DSTYK: variants seen among roughly 807,000 people sequenced by gnomAD.
DSTYK encodes RIP-homologous kinase.
DSTYK carries 34 observed loss-of-function variants against 98.7 expected under a neutral mutation model. That is an observed-to-expected ratio of 0.34 (90% confidence interval 0.26 to 0.46). The LOEUF (loss-of-function observed/expected upper bound fraction) is 0.46. Among genes scored for constraint, DSTYK ranks in the 20% least tolerant of loss-of-function variants. DSTYK has a pLI of 1.00. For missense variants in DSTYK, 962 were observed against 1,181.7 expected (o/e 0.81, Z 2.73); for synonymous variants, 462 against 457.3 (o/e 1.01, Z -0.13).
chr1:205,145,525 G>GTTTTTTTTTTTTTTTTTTTTTT lies in DSTYK; in HGVS notation c.*2032_*2033insAAAAAAAAAAAAAAAAAAAAAA, dbSNP rs61220458. The GTTTTTTTTTTTTTTTTTTTTTT allele has an allele frequency of 6.4e-5, 8 of 125,544 alleles. 1 individual carries two copies. Among genetic ancestry groups the GTTTTTTTTTTTTTTTTTTTTTT allele is most frequent in the Non-Finnish European group, 8.4e-5 (5 of 59,288 alleles). The allele number at this position is 125,544 out of a possible 1,614,324, so 7.8% of individuals were successfully genotyped here. On this transcript the variant is annotated 3_prime_UTR_variant, in exon 13 of 13. Coordinates refer to ENST00000367162, the MANE Select transcript of DSTYK (RefSeq NM_015375.3). ...GATGTGCGACTCATCTTTGTTTTTT[G>GTTTTTTTTTTTTTTTTTTTTTT]TTTTTTTTTTTGTTTTTTTTTGAGA...
rs769627475 is a variant in DSTYK, at chr1:205,169,319, G to A, written c.1168C>T (p.Arg390Cys). The change falls in exon 3 of 13, where the codon CGT (arginine) becomes TGT (cysteine). Residue 390 changes from arginine to cysteine, a missense_variant. Arg to Cys is a radical substitution (Grantham distance 180). Around this residue, in one of 4 missense-constraint regions of DSTYK, gnomAD observed 660 missense variants for 855.0 expected, o/e 0.77. Coordinates refer to ENST00000367162, the MANE Select transcript of DSTYK (RefSeq NM_015375.3). This position sits in a 1 kb window ranked among gnomAD's most constrained non-coding sequence, Gnocchi z 4.0. Reference protein sequence around the residue: ...MQRDLQITPKRLEYTRKKENE... With the variant: ...MQRDLQITPKCLEYTRKKENE... ...TCCTTTTTTCGAGTATATTCCAGAC[G>A]TTTGGGAGTGATCTGCAGGTCCCGC... The A allele has an allele frequency of 5.0e-6, 8 of 1,613,988 alleles. No homozygotes were observed. Among genetic ancestry groups the A allele is most frequent in the African/African-American group, 1.3e-5 (1 of 74,896 alleles).
Position 205,169,731 on chromosome 1 carries a change from G to A in DSTYK, c.756C>T (p.Leu252=), listed in dbSNP as rs1460646666. The change falls in exon 3 of 13, where the codon CTC becomes CTT. Residue 252 remains leucine, a synonymous_variant. Transcript: ENST00000367162. This position sits in a 1 kb window ranked among gnomAD's most constrained non-coding sequence, Gnocchi z 4.0. ...NDFLPVITYA[L]HKDELSERDE... is the part of the protein sequence containing the mutation. ...CCCTCTCAGAGAGTTCATCTTTGTG[G>A]AGTGCATAGGTTATCACAGGCAAGA... is the stretch of plus-strand genomic sequence containing the variant. The A allele has an allele frequency of 6.2e-7, 1 of 1,614,204 alleles. No homozygotes were observed. Among genetic ancestry groups the A allele is most frequent in the Non-Finnish European group, 8.5e-7 (1 of 1,180,034 alleles).
chr1:205,172,450 C>A (rs1658093205), intron 2 of DSTYK, among the ~76,000 whole-genome samples: 1 of 147,630 alleles, frequency 6.8e-6, no homozygotes, highest in South Asian at 2.2e-4. Context: ...CAGGTGTGAG[C>A]CACTACGCCC....
At position 205,163,807 on chromosome 1, in the gene DSTYK, G is replaced by A. The variant is rs775721917; in HGVS notation, c.1473C>T (p.Phe491=). 2.2e-5 allele frequency: 36 copies of A among 1,614,124 alleles called. No homozygotes were observed. The highest frequency in any genetic ancestry group is 2.8e-5 in the Non-Finnish European group (33 of 1,180,026). The change falls in exon 4 of 13, where the codon TTC becomes TTT. Residue 491 remains phenylalanine, a synonymous_variant. Transcript: ENST00000367162. ...GCAGACATCGTTCCAGGGTTCCGAC[G>A]AAGCTTTCCCTCAGGTAATCCACTG... ...ISSVDYLRES[F]VGTLERCLQS...
chr1:205,177,550 C>T (rs943071967), intron 2 of DSTYK, among the ~76,000 whole-genome samples: 12 of 152,132 alleles, frequency 7.9e-5, no homozygotes, highest in Non-Finnish European at 1.6e-4. Flanking sequence ...AAATACCTCC[C>T]TATTTTTGTT....
intron 1 of DSTYK, among the ~76,000 whole-genome samples, chr1:205,210,903 A>C (rs1326717209): frequency 6.6e-6 from 1 of 152,130 alleles, no homozygotes. Flanking sequence ...ACAACGGCGC[A>C]CGCGCCCGCC....
intron 7 of DSTYK, 74 bp downstream of exon 7, chr1:205,161,184 C>A: frequency 6.4e-7 from 1 of 1,571,622 alleles, no homozygotes; most frequent in Admixed American, 1.8e-5. Flanking sequence ...CACTAGGATT[C>A]TCTGAGGCTG....
chr1:205,168,217 C>T (rs1011409907), intron 3 of DSTYK, among the ~76,000 whole-genome samples: 10 of 152,176 alleles, frequency 6.6e-5, no homozygotes, highest in Admixed American at 6.5e-5. Flanking sequence ...GCATCAGTAA[C>T]TGGAAACAGA....
chr1:205,208,186 T>C (rs751782785), intron 1 of DSTYK, among the ~76,000 whole-genome samples: 1 of 152,184 alleles, frequency 6.6e-6, no homozygotes, highest in Non-Finnish European at 1.5e-5. Context: ...AGCCTTACTT[T>C]TTAAATTCTA....
chr1:205,190,766 C>T (rs962955949), intron 1 of DSTYK, among the ~76,000 whole-genome samples: 2 of 152,094 alleles, frequency 1.3e-5, no homozygotes, highest in Admixed American at 1.3e-4. Flanking sequence ...ATTCCCTGTC[C>T]TCCCCAGATT....
At chr1:205,202,118 G>A in intron 1 of DSTYK, 1 of 408,388 alleles carries the variant, frequency 2.4e-6, no homozygotes, top group Admixed American at 2.6e-5. Flanking sequence ...AAGGGAGAAG[G>A]GGAAGGGAAG....
rs142986970 is a variant in DSTYK, at chr1:205,161,258, G to A, written c.1948C>T (p.Arg650Cys). 13 of 1,613,848 alleles carry A rather than the reference G, an allele frequency of 8.1e-6. No homozygotes were observed. The highest frequency in any genetic ancestry group is 3.3e-5 in the Admixed American group (2 of 59,952). ...SCSLQDVLLH[R>C]KPKLGQELGR... ...TTATCTAGAAGAAAACCAGACTCAC[G>A]ATGAAGCAAGACATCCTGTAAAGAA... Residue 650 changes from arginine to cysteine, a missense_variant and splice_region_variant, in exon 7 of 13, where the codon CGT becomes TGT. Coordinates refer to ENST00000367162, the MANE Select transcript of DSTYK (RefSeq NM_015375.3).
chr1:205,209,451 A>G (rs1659300492), intron 1 of DSTYK, among the ~76,000 whole-genome samples: 1 of 151,908 alleles, frequency 6.6e-6, no homozygotes, highest in South Asian at 2.1e-4. Context: ...CCAGGACAGT[A>G]TATTTCTGGA....
chr1:205,209,937 G>T (rs1016230423), intron 1 of DSTYK, among the ~76,000 whole-genome samples: 2 of 151,352 alleles, frequency 1.3e-5, no homozygotes, highest in African/African-American at 4.9e-5. Flanking sequence ...GTCTTGCTCC[G>T]TCGCACAGGG....
At chr1:205,199,140 T>C (rs369428480) in intron 1 of DSTYK, among the ~76,000 whole-genome samples, 352 of 152,210 alleles carry the variant, frequency 2.3e-3, no homozygotes, top group African/African-American at 8.0e-3. Context: ...AAAACAATCC[T>C]CAAGTCCTAC....
chr1:205,165,132 C>A (rs564316791), intron 3 of DSTYK, among the ~76,000 whole-genome samples: 22 of 152,224 alleles, frequency 1.4e-4, no homozygotes, highest in Middle Eastern at 3.4e-3. Flanking sequence ...TTAGCTCTAT[C>A]GCCTAGGCTG....
In DSTYK at chr1:205,162,232, G is replaced by A. The variant is rs530895091; in HGVS notation, c.1642-20C>T. ...GATGATCTACCAGGATGAAGACAGC[G>A]AGATCACCAAGGAATGAGAGACAAG... On this transcript the variant is annotated intron_variant, in intron 5 of 12. Coordinates refer to ENST00000367162, the MANE Select transcript of DSTYK (RefSeq NM_015375.3). 5.1e-4 allele frequency: 821 copies of A among 1,610,120 alleles called. 11 individuals carry two copies. The South Asian group carries it at 8.2e-3, about 16-fold the overall frequency.
intron 1 of DSTYK, among the ~76,000 whole-genome samples, chr1:205,203,334 A>T (rs1659097753): frequency 6.7e-6 from 1 of 149,554 alleles, no homozygotes; most frequent in Non-Finnish European, 1.5e-5. Flanking sequence ...AAAAAAAAAT[A>T]GCCAGGTGTG....
chr1:205,181,234 C>T (rs1658387183), intron 2 of DSTYK, among the ~76,000 whole-genome samples: 1 of 152,170 alleles, frequency 6.6e-6, no homozygotes, highest in African/African-American at 2.4e-5. Context: ...TATCTTCTTG[C>T]CCTGAGGATC....
Sources: allele counts gnomAD v4.1 joint callset (sites outside exome capture counted in the v4.1 genomes callset), GRCh38; gene constraint gnomAD v4.1.1; regional missense constraint gnomAD v4.1.1; non-coding constraint Gnocchi (gnomAD v3.1); transcripts MANE v1.5; gene names NCBI Gene and HGNC (gene_info 2026-07-23, HGNC 2026-07-21).